Variants in SH3BGRL2 observed in about 807,000 individuals in gnomAD.
SH3BGRL2 encodes the protein SH3 domain binding glutamate rich protein like 2, also known as SH3 domain-binding glutamic acid-rich-like protein 2.
A neutral mutation model predicts 14.8 loss-of-function variants in SH3BGRL2; 21 were observed. The ratio of observed to expected loss-of-function variants is 1.42; its 90% CI spans 1.01 to 2.05. The LOEUF (loss-of-function observed/expected upper bound fraction) is 2.05. SH3BGRL2 is among the 30% of genes most tolerant of loss of function. The pLI is 0.00. For synonymous variants in SH3BGRL2, 50 were observed against 47.8 expected, an observed-to-expected ratio of 1.05 and a Z score of -0.19; for missense variants, 147 against 130.8, an observed-to-expected ratio of 1.12 and a Z score of -0.61.
At chr6:79,607,114 C>G in the SH3BGRL2 span, among the ~76,000 whole-genome samples, 1 of 152,220 alleles carries the variant, frequency 6.6e-6, no homozygotes, top group Non-Finnish European at 1.5e-5. Context: ...CGTTCCGTTT[C>G]TCACATAAGC....
the SH3BGRL2 span, chr6:79,553,042 T>G: frequency 6.6e-6 from 1 of 152,060 alleles, no homozygotes; most frequent in Non-Finnish European, 1.5e-5. Flanking sequence ...TAGAAAGGAG[T>G]CCATCTCCCA....
In SH3BGRL2 at chr6:79,702,699, G is replaced by T; in HGVS notation, c.*3190G>T. On this transcript the variant is annotated 3_prime_UTR_variant, in exon 4 of 4. Coordinates refer to ENST00000369838, the MANE Select transcript of SH3BGRL2 (RefSeq NM_031469.4). ...GCCAGACATGAGGTCCTGCACGAGG[G>T]TGTTGGGAGGACACCACAGATTCAT... The T allele has an allele frequency of 6.6e-6, 1 of 152,318 alleles. No homozygotes were observed. Among genetic ancestry groups the T allele is most frequent in the Middle Eastern group, 3.4e-3 (1 of 294 alleles). 9.4% of individuals were successfully genotyped at this position (152,318 alleles called of 1,614,324 possible). A position where few individuals can be genotyped will look rare whatever the true frequency, so the allele number is the denominator to read the frequency against.
upstream of SH3BGRL2, among the ~76,000 whole-genome samples, chr6:79,626,526 C>T (rs962509169): frequency 9.2e-5 from 14 of 152,120 alleles, no homozygotes; most frequent in African/African-American, 3.1e-4. Flanking sequence ...GAAGCACTCT[C>T]ACAGAGGTCA....
the SH3BGRL2 span, among the ~76,000 whole-genome samples, chr6:79,565,631 C>T: frequency 6.6e-6 from 1 of 151,990 alleles, no homozygotes; most frequent in East Asian, 1.9e-4. Context: ...CTGAGCATTG[C>T]ATTAGCTTAT....
At chr6:79,545,538 A>G in the SH3BGRL2 span, among the ~76,000 whole-genome samples, 1 of 152,206 alleles carries the variant, frequency 6.6e-6, no homozygotes, top group Admixed American at 6.5e-5. Context: ...TTGTCTTCAT[A>G]ATTATAGGAA....
the SH3BGRL2 span, among the ~76,000 whole-genome samples, chr6:79,540,041 T>C: frequency 1.3e-5 from 2 of 152,324 alleles, no homozygotes; most frequent in South Asian, 4.2e-4. Context: ...AGATTCTAGG[T>C]AAATAGTTGG....
At chr6:79,679,374 A>AT (rs145315966) in intron 2 of SH3BGRL2, among the ~76,000 whole-genome samples, 3,150 of 138,258 alleles carry the variant, frequency 0.023, 99 homozygotes, top group African/African-American at 0.081. Context: ...AATGATGAAC[A>AT]TTTTTTTTTC....
At chr6:79,628,407 A>C (rs1768769347), upstream of SH3BGRL2, among the ~76,000 whole-genome samples, 1 of 151,882 alleles carries the variant, frequency 6.6e-6, no homozygotes. Context: ...ATGGTCTACC[A>C]GGACTTGTAA....
chr6:79,602,432 G>C, the SH3BGRL2 span, among the ~76,000 whole-genome samples: 4 of 152,202 alleles, frequency 2.6e-5, no homozygotes, highest in Admixed American at 1.3e-4. Flanking sequence ...GGGCCTGGAA[G>C]TATTCCTACG....
intron 2 of SH3BGRL2, among the ~76,000 whole-genome samples, chr6:79,684,994 G>T (rs1200051159): frequency 6.6e-6 from 1 of 152,210 alleles, no homozygotes; most frequent in Non-Finnish European, 1.5e-5. Flanking sequence ...TTGCTGATCA[G>T]CTGCATGCCC....
intron 1 of SH3BGRL2, among the ~76,000 whole-genome samples, chr6:79,636,031 G>A (rs1352107399): frequency 5.9e-5 from 9 of 152,130 alleles, no homozygotes; most frequent in African/African-American, 1.9e-4. Flanking sequence ...AATAGAGTGG[G>A]TATTAATTCC....
the SH3BGRL2 span, among the ~76,000 whole-genome samples, chr6:79,605,371 T>C: frequency 6.6e-6 from 1 of 152,312 alleles, no homozygotes; most frequent in Admixed American, 6.5e-5. Context: ...GAAAAAAAAT[T>C]ATTGAACTAT....
At chr6:79,695,535 T>A (rs1267292869) in intron 2 of SH3BGRL2, among the ~76,000 whole-genome samples, 2 of 152,154 alleles carry the variant, frequency 1.3e-5, no homozygotes, top group African/African-American at 4.8e-5. Context: ...TTGGGCAGGA[T>A]GCACCCTAGA....
chr6:79,604,889 T>C, the SH3BGRL2 span, among the ~76,000 whole-genome samples: 1 of 152,178 alleles, frequency 6.6e-6, no homozygotes, highest in African/African-American at 2.4e-5. Context: ...TAGTGCAGTT[T>C]ACATGTGAGA....
At chr6:79,543,816 T>C in the SH3BGRL2 span, among the ~76,000 whole-genome samples, 1 of 152,216 alleles carries the variant, frequency 6.6e-6, no homozygotes, top group East Asian at 1.9e-4. Context: ...TATTTATAAA[T>C]ATAAGAGGGC....
the SH3BGRL2 span, among the ~76,000 whole-genome samples, chr6:79,599,989 G>A: frequency 6.6e-6 from 1 of 152,178 alleles, no homozygotes; most frequent in Admixed American, 6.5e-5. Flanking sequence ...GATAAGCTAT[G>A]TCGGACTTTC....
chr6:79,591,956 G>A, the SH3BGRL2 span, among the ~76,000 whole-genome samples: 5 of 152,154 alleles, frequency 3.3e-5, no homozygotes, highest in African/African-American at 1.2e-4. Flanking sequence ...AGAAACTCAT[G>A]ACCTCATAGG....
chr6:79,640,659 G>A lies in SH3BGRL2; in HGVS notation c.45+9153G>A, dbSNP rs568670927. On this transcript the variant is annotated intron_variant, in intron 1 of 3. Coordinates refer to ENST00000369838, the MANE Select transcript of SH3BGRL2 (RefSeq NM_031469.4). ...CTGGAGCTGACCCCTGAAGTGGAAG[G>A]TATCCGGCAGGGTGTGTCTGCTTTG... Among the ~76,000 whole-genome samples, 23 of 151,932 alleles carry A rather than the reference G, an allele frequency of 1.5e-4. No individual in the cohort carries two copies. In the East Asian group the frequency reaches 3.1e-3, roughly 21 times the overall value.
At chr6:79,571,537 G>C in the SH3BGRL2 span, among the ~76,000 whole-genome samples, 12 of 152,054 alleles carry the variant, frequency 7.9e-5, no homozygotes, top group Non-Finnish European at 1.8e-4. Context: ...TATTCAAGGT[G>C]TACAACATGA....
Sources: gnomAD v4.1 joint callset for allele counts (sites outside exome capture counted in the v4.1 genomes callset) on GRCh38, gnomAD v4.1.1 for gene constraint, MANE v1.5 for transcripts, NCBI Gene and HGNC (gene_info 2026-07-23, HGNC 2026-07-21) for gene names.